PARP15: variants seen among roughly 807,000 people sequenced by gnomAD.
The protein encoded by PARP15 is protein mono-ADP-ribosyltransferase PARP15.
PARP15 carries 50 observed loss-of-function variants against 62.1 expected under a neutral mutation model. The observed-to-expected ratio is 0.81, with a 90% CI of 0.64 to 1.02. PARP15 has a LOEUF of 1.02. Among genes scored for constraint, PARP15 ranks in the 50% least tolerant of loss-of-function variants. The pLI, the probability that PARP15 is intolerant of heterozygous loss-of-function variation, is 0.00. For missense variants in PARP15, 820 were observed against 826.5 expected (o/e 0.99, Z 0.10); for synonymous variants, 309 against 293.1 (o/e 1.05, Z -0.55).
intron 6 of PARP15, among the ~76,000 whole-genome samples, chr3:122,618,606 T>G (rs906126519): frequency 3.5e-4 from 53 of 152,182 alleles, no homozygotes; most frequent in African/African-American, 1.3e-3. Flanking sequence ...GATTGGATCC[T>G]CCATCCTATA....
At chr3:122,628,583 CTT>C (rs1005515846) in intron 9 of PARP15, among the ~76,000 whole-genome samples, 2 of 152,252 alleles carry the variant, frequency 1.3e-5, no homozygotes, top group East Asian at 1.9e-4. Context: ...GTTCATCACT[CTT>C]TGCTTTCATC....
intron 6 of PARP15, among the ~76,000 whole-genome samples, chr3:122,618,377 A>G (rs760707491): frequency 1.3e-5 from 2 of 152,198 alleles, no homozygotes; most frequent in African/African-American, 2.4e-5. Flanking sequence ...GAAGGAAAAC[A>G]ACTATGAACA....
intron 3 of PARP15, among the ~76,000 whole-genome samples, chr3:122,612,835 C>T (rs1408025055): frequency 2.0e-5 from 3 of 151,996 alleles, no homozygotes; most frequent in South Asian, 2.1e-4. Flanking sequence ...GCCATTCCCA[C>T]GCTGTTGGAC....
intron 9 of PARP15, 72 bp downstream of exon 9, chr3:122,627,105 G>A: frequency 8.2e-7 from 1 of 1,225,116 alleles, no homozygotes; most frequent in Non-Finnish European, 1.2e-6. Flanking sequence ...AAGTGTGAAT[G>A]TACACTGAGT....
intron 1 of PARP15, among the ~76,000 whole-genome samples, chr3:122,599,045 G>A (rs973421653): frequency 2.7e-4 from 41 of 152,064 alleles, no homozygotes; most frequent in African/African-American, 6.5e-4. Context: ...TCAGGTGTGC[G>A]CCACCACACT....
chr3:122,613,290 G>A (rs887179701), intron 4 of PARP15, 22 bp downstream of exon 4: 15 of 1,507,392 alleles, frequency 1.0e-5, no homozygotes, highest in Non-Finnish European at 1.4e-5. Context: ...TATCCCATCT[G>A]GTTAATTCTG....
intron 1 of PARP15, among the ~76,000 whole-genome samples, chr3:122,582,856 T>C (rs973721963): frequency 4.6e-5 from 7 of 152,146 alleles, no homozygotes; most frequent in African/African-American, 1.4e-4. Flanking sequence ...ATAGTTTCCA[T>C]TGCTGTGACT....
At chr3:122,606,926 G>A (rs752775053) in intron 2 of PARP15, among the ~76,000 whole-genome samples, 14 of 152,200 alleles carry the variant, frequency 9.2e-5, no homozygotes, top group Non-Finnish European at 1.9e-4. Flanking sequence ...TGGATTGTGA[G>A]CCACTGGAAA....
intron 1 of PARP15, among the ~76,000 whole-genome samples, chr3:122,602,846 C>G (rs1411326254): frequency 1.3e-5 from 2 of 152,126 alleles, no homozygotes; most frequent in African/African-American, 4.8e-5. Flanking sequence ...TTGACTTGTT[C>G]CATTAGTTGA....
At chr3:122,627,106 T>C in intron 9 of PARP15, 73 bp downstream of exon 9, 1 of 1,218,310 alleles carries the variant, frequency 8.2e-7, no homozygotes, top group Non-Finnish European at 1.2e-6. Context: ...AGTGTGAATG[T>C]ACACTGAGTT....
chr3:122,609,696 TA>T (rs570484915), intron 2 of PARP15, among the ~76,000 whole-genome samples: 129 of 129,644 alleles, frequency 1.0e-3, no homozygotes, highest in African/African-American at 2.6e-3. Context: ...AAATCGTGTT[TA>T]AAAAAAAAAA....
chr3:122,588,148 C>T (rs1933600143), intron 1 of PARP15, among the ~76,000 whole-genome samples: 1 of 151,854 alleles, frequency 6.6e-6, no homozygotes, highest in Non-Finnish European at 1.5e-5. Context: ...TTCATTTTAC[C>T]AAATTTTATA....
chr3:122,600,723 T>C (rs1031878417), intron 1 of PARP15, among the ~76,000 whole-genome samples: 6 of 152,112 alleles, frequency 3.9e-5, no homozygotes, highest in African/African-American at 1.4e-4. Flanking sequence ...AAAAGTAGAA[T>C]AAAGTCGTTA....
At chr3:122,586,537 G>A (rs1402904781) in intron 1 of PARP15, among the ~76,000 whole-genome samples, 5 of 152,070 alleles carry the variant, frequency 3.3e-5, no homozygotes. Flanking sequence ...AGAGATTAAG[G>A]CTTATTTCTA....
Position 122,617,055 on chromosome 3 carries a change from T to C in PARP15, c.891T>C (p.Tyr297=), listed in dbSNP as rs149479718. The C allele has an allele frequency of 2.5e-5, 41 of 1,614,170 alleles. No homozygotes were observed. Among genetic ancestry groups the C allele is most frequent in the Non-Finnish European group, 3.4e-5 (40 of 1,180,020 alleles). ...GTVSKPCFTA[Y]EMKIGAITFQ... is the part of the protein sequence containing the mutation. ...TCTCTAAGCCTTGTTTCACAGCATA[T>C]GAAATGAAAATCGGTGCAATTACTT... The change falls in exon 6 of 12, where the codon TAT becomes TAC. Residue 297 remains tyrosine (Y), a synonymous_variant. Coordinates refer to ENST00000464300, the MANE Select transcript of PARP15 (RefSeq NM_001113523.3).
At chr3:122,619,967 T>C (rs1371339884) in intron 7 of PARP15, 124 bp downstream of exon 7, 1 of 861,322 alleles carries the variant, frequency 1.2e-6, no homozygotes. Context: ...AGAAGGTTGG[T>C]TCACTGGAAG....
At chr3:122,593,461 G>A (rs1028156525) in intron 1 of PARP15, among the ~76,000 whole-genome samples, 9 of 151,968 alleles carry the variant, frequency 5.9e-5, no homozygotes, top group African/African-American at 1.9e-4. Flanking sequence ...TTTTAAATAC[G>A]TTTTTATCTA....
At position 122,577,721 on chromosome 3, in the gene PARP15, C is replaced by A. The variant is rs764297609; in HGVS notation, c.54C>A (p.Thr18=). The A allele has an allele frequency of 6.4e-7, 1 of 1,551,604 alleles. No individual in the cohort carries two copies. The highest frequency in any genetic ancestry group is 1.4e-5 in the African/African-American group (1 of 73,060). Residue 18 remains threonine, a synonymous_variant, in exon 1 of 12, where the codon ACC becomes ACA. Coordinates refer to ENST00000464300, the MANE Select transcript of PARP15 (RefSeq NM_001113523.3). ...CTGCTCTGAGTCCAGGGGCTCCGACCCCCAGAGAACTTATGCACGGAGTTG... is the reference window on the plus strand; with the variant it reads ...CTGCTCTGAGTCCAGGGGCTCCGACACCCAGAGAACTTATGCACGGAGTTG... ...PAAALSPGAP[T]PRELMHGVAG...
Position 122,598,943 on chromosome 3 carries a change from A to G in PARP15, c.187-6993A>G, listed in dbSNP as rs546672767. ...TTTTGCTCTTGTCACCCTGGAGTGCAGGAGTGCAGTGGCGTGATCTCAGCT... is the reference window on the plus strand; with the variant it reads ...TTTTGCTCTTGTCACCCTGGAGTGCGGGAGTGCAGTGGCGTGATCTCAGCT... On this transcript the variant is annotated intron_variant, in intron 1 of 11. Transcript: ENST00000464300. Among the ~76,000 whole-genome samples the G allele has an allele frequency of 1.1e-4, 17 of 151,936 alleles. No homozygotes were observed. The South Asian group carries it at 3.5e-3, about 32-fold the overall frequency.
Sources: gnomAD v4.1 joint callset for allele counts (sites outside exome capture counted in the v4.1 genomes callset) on GRCh38, gnomAD v4.1.1 for gene constraint, MANE v1.5 for transcripts, NCBI Gene and HGNC (gene_info 2026-07-23, HGNC 2026-07-21) for gene names.